VWF: variants seen among roughly 807,000 people sequenced by gnomAD.
VWF encodes von Willebrand factor, also known as Factor VIII related antigen.
VWF carries 176 observed loss-of-function variants against 308.6 expected under a neutral mutation model. The ratio of observed to expected loss-of-function variants is 0.57; its 90% CI spans 0.50 to 0.65. The LOEUF (loss-of-function observed/expected upper bound fraction) is 0.65, where lower values mean the gene tolerates loss of function less well. Among genes scored for constraint, VWF ranks in the 30% least tolerant of loss-of-function variants. The probability of loss-of-function intolerance (pLI) is 0.00; values close to 1 mark genes in which losing one functional copy is unlikely to be tolerated. For missense variants in VWF, 3,146 were observed against 3,648.2 expected (o/e 0.86, Z 3.55); for synonymous variants, 1,385 against 1,443.4 (o/e 0.96, Z 0.92).
At chr12:6,123,228 T>C (rs1258157754) in intron 1 of VWF, 32 bp from the exon 2 acceptor site, 14 of 1,614,050 alleles carry the variant, frequency 8.7e-6, no homozygotes, top group Admixed American at 3.3e-5. Context: ...GAGCTGGTCA[T>C]TGCTGCCCAG....
At chr12:5,999,471 T>TATACACAC (rs1555193388) in intron 34 of VWF, among the ~76,000 whole-genome samples, 1 of 143,558 alleles carries the variant, frequency 7.0e-6, no homozygotes, top group African/African-American at 2.6e-5. Context: ...TGTACACACA[T>TATACACAC]ACACACACAC....
chr12:6,081,077 A>G (rs1944904019), intron 6 of VWF, among the ~76,000 whole-genome samples: 2 of 152,212 alleles, frequency 1.3e-5, no homozygotes, highest in South Asian at 4.1e-4. Flanking sequence ...CCCTCCACAG[A>G]TTCTCCGCCC....
At chr12:6,025,459 C>T (rs114018824) in intron 24 of VWF, 121 bp downstream of exon 24, 2 of 830,010 alleles carry the variant, frequency 2.4e-6, no homozygotes, top group Non-Finnish European at 4.1e-6. Flanking sequence ...GAAGTGGTGT[C>T]TTGGTGCAGA....
intron 14 of VWF, 59 bp from the exon 15 acceptor site, chr12:6,057,131 C>T: frequency 2.1e-6 from 3 of 1,443,922 alleles, no homozygotes; most frequent in East Asian, 2.6e-5. Context: ...GCCACGCCCT[C>T]CCGGTCAACA....
intron 5 of VWF, among the ~76,000 whole-genome samples, chr12:6,101,059 A>G (rs1377152509): frequency 6.6e-6 from 1 of 152,216 alleles, no homozygotes; most frequent in Non-Finnish European, 1.5e-5. Flanking sequence ...ATAATAGAGT[A>G]GAAAAAGAGC....
chr12:5,998,806 C>A (rs1943840654), intron 34 of VWF, among the ~76,000 whole-genome samples: 1 of 152,132 alleles, frequency 6.6e-6, no homozygotes, highest in Non-Finnish European at 1.5e-5. Flanking sequence ...TGGCTCACTG[C>A]AACCTCCGCC....
intron 10 of VWF, among the ~76,000 whole-genome samples, chr12:6,068,112 G>A (rs1944738581): frequency 6.7e-6 from 1 of 148,778 alleles, no homozygotes; most frequent in Non-Finnish European, 1.5e-5. Context: ...CCCAGCCTGG[G>A]CGACTGAGTG....
rs1591894808 is a variant in VWF at position 6,063,679 on chromosome 12, T to C, written c.1432+567A>G. Among the ~76,000 whole-genome samples, 2 of 151,926 alleles carry C rather than the reference T, an allele frequency of 1.3e-5. No homozygotes were observed. The highest frequency in any genetic ancestry group is 4.2e-4 in the South Asian group (2 of 4,810). ...AGCAGTTGTGGAGAAGAAGGAAGAGTCTGAGAGCCACTTTGAGTGTGAAGT... is the reference window on the plus strand; with the variant it reads ...AGCAGTTGTGGAGAAGAAGGAAGAGCCTGAGAGCCACTTTGAGTGTGAAGT... On this transcript the variant is annotated intron_variant, in intron 12 of 51. Transcript: ENST00000261405. This position sits in a 1 kb window ranked among gnomAD's most constrained non-coding sequence, Gnocchi z 4.9.
In VWF at chr12:5,983,974, G is replaced by GGATAGATAGATAGATAGATA. The variant is rs71064178; in HGVS notation, c.6977-740_6977-721dup. ...AAATACATAGGATGGATGGATAGAT[G>GGATAGATAGATAGATAGATA]GATAGATAGATAGATAGATAGATAG... On this transcript the variant is annotated intron_variant, in intron 40 of 51. Coordinates refer to ENST00000261405, the MANE Select transcript of VWF (RefSeq NM_000552.5). 1.5e-4 allele frequency among the ~76,000 whole-genome samples: 20 copies of GGATAGATAGATAGATAGATA among 133,038 alleles called. 1 individual carries two copies. Among genetic ancestry groups the GGATAGATAGATAGATAGATA allele is most frequent in the African/African-American group, 4.7e-4 (17 of 36,518 alleles). The allele number at this position is 133,038 out of a possible 152,430, so 87.3% of individuals were successfully genotyped here.
At chr12:5,981,527 G>A (rs1260602092) in intron 42 of VWF, among the ~76,000 whole-genome samples, 1 of 152,144 alleles carries the variant, frequency 6.6e-6, no homozygotes, top group Non-Finnish European at 1.5e-5. Flanking sequence ...CACAAGAAAT[G>A]CCTCCTGAGT....
intron 38 of VWF, among the ~76,000 whole-genome samples, chr12:5,990,142 T>C (rs939314151): frequency 9.2e-5 from 14 of 152,180 alleles, no homozygotes; most frequent in African/African-American, 3.1e-4. Context: ...ACAACTAAAC[T>C]AGAGCAGATG....
Position 6,110,375 on chromosome 12 carries a change from T to C in VWF, c.531A>G (p.Glu177=). Residue 177 remains glutamate (E), a splice_region_variant and synonymous_variant, in exon 5 of 52, where the codon GAA becomes GAG. Coordinates refer to ENST00000261405, the MANE Select transcript of VWF (RefSeq NM_000552.5). ...AAATGGTATCCCAGAACATCTTACC[T>C]TCTTGGGTCATAAAGTCATCTTCAG... is the stretch of plus-strand genomic sequence containing the variant. ...IFAEDDFMTQ[E]GTLTSDPYDF... 4 of 1,614,130 alleles carry C rather than the reference T, an allele frequency of 2.5e-6. No individual in the cohort carries two copies. The highest frequency in any genetic ancestry group is 3.4e-6 in the Non-Finnish European group (4 of 1,179,960).
intron 47 of VWF, among the ~76,000 whole-genome samples, chr12:5,957,937 T>A (rs954887686): frequency 6.6e-6 from 1 of 152,178 alleles, no homozygotes; most frequent in African/African-American, 2.4e-5. Context: ...TCTCTTCTTA[T>A]GTAGAAGTAA....
At chr12:5,972,341 C>T (rs1943485904) in intron 43 of VWF, among the ~76,000 whole-genome samples, 1 of 152,212 alleles carries the variant, frequency 6.6e-6, no homozygotes, top group Non-Finnish European at 1.5e-5. Flanking sequence ...GAAGGTCCTC[C>T]AATCTGGCTA....
chr12:6,048,456 G>A (rs773459456), intron 16 of VWF, among the ~76,000 whole-genome samples: 2 of 136,496 alleles, frequency 1.5e-5, no homozygotes, highest in African/African-American at 5.6e-5. Flanking sequence ...GTGAGCCAAC[G>A]TGCCCTGCCT....
chr12:5,983,112 GA>G (rs747146130), intron 41 of VWF, 37 bp downstream of exon 41: 3 of 1,597,128 alleles, frequency 1.9e-6, no homozygotes, highest in Non-Finnish European at 2.6e-6. Context: ...CCAGCAGAGA[GA>G]GGCCACACCA....
intron 34 of VWF, among the ~76,000 whole-genome samples, chr12:6,003,596 G>C (rs1168910700): frequency 6.6e-6 from 1 of 151,886 alleles, no homozygotes; most frequent in African/African-American, 2.4e-5. Context: ...TAAGCCAGTC[G>C]CAATAGGAAA....
chr12:6,064,318 T>C lies in VWF; in HGVS notation c.1360A>G (p.Ser454Gly), dbSNP rs748534787. The change falls in exon 12 of 52, where the codon AGC becomes GGC. Residue 454 changes from serine to glycine, a missense_variant. Coordinates refer to ENST00000261405, the MANE Select transcript of VWF (RefSeq NM_000552.5). ...GCCCCATGCTTCAGTTTCACAAGGC[T>C]GTTGTGCAGGCCAGGCAGCCGGACG... Reference protein sequence around the residue: ...VTVRLPGLHNSLVKLKHGAGV... With the variant: ...VTVRLPGLHNGLVKLKHGAGV... The C allele has an allele frequency of 1.9e-6, 3 of 1,614,046 alleles. No individual in the cohort carries two copies. The highest frequency in any genetic ancestry group is 1.7e-5 in the Admixed American group (1 of 60,008).
At chr12:6,010,989 C>A (rs1018734283) in intron 34 of VWF, among the ~76,000 whole-genome samples, 2 of 152,120 alleles carry the variant, frequency 1.3e-5, no homozygotes, top group African/African-American at 2.4e-5. Context: ...TAAATAAATT[C>A]TAAAGGGGGA....
Sources: gnomAD v4.1 joint callset for allele counts (sites outside exome capture counted in the v4.1 genomes callset) on GRCh38, gnomAD v4.1.1 for gene constraint, Gnocchi (gnomAD v3.1) non-coding constraint, MANE v1.5 for transcripts, NCBI Gene and HGNC (gene_info 2026-07-23, HGNC 2026-07-21) for gene names.